Variants in FAM228B observed in about 807,000 individuals in gnomAD.
The protein encoded by FAM228B is family with sequence similarity 228 member B.
A neutral mutation model predicts 42.6 loss-of-function variants in FAM228B; 38 were observed. That is an observed-to-expected ratio of 0.89 (90% CI 0.69 to 1.17). The LOEUF is 1.17. Ranked by LOEUF, FAM228B falls within the 50% of genes most tolerant of loss-of-function variation. FAM228B has a pLI of 0.00. For missense variants in FAM228B, 344 were observed against 367.3 expected (o/e 0.94, Z 0.52); for synonymous variants, 109 against 122.3 (o/e 0.89, Z 0.72).
intron 5 of FAM228B, among the ~76,000 whole-genome samples, chr2:24,145,203 C>T (rs1042438594): frequency 3.9e-5 from 6 of 152,324 alleles, no homozygotes; most frequent in Admixed American, 1.3e-4. Context: ...ACACCGGTGC[C>T]ACTGTATACT....
intron 3 of FAM228B, chr2:24,096,147 A>ACAGGACAGGGTGAGTGAGTGAGAGCCCCC (rs1665493161): frequency 6.6e-6 from 1 of 152,228 alleles, no homozygotes; most frequent in Non-Finnish European, 1.5e-5. Flanking sequence ...TCAAAGACCA[A>ACAGGACAGGGTGAGTGAGTGAGAGCCCCC]AGGTAGATAA....
intron 4 of FAM228B, among the ~76,000 whole-genome samples, 159 bp downstream of exon 4, chr2:24,138,259 T>C (rs1409183397): frequency 6.6e-6 from 1 of 152,202 alleles, no homozygotes; most frequent in Non-Finnish European, 1.5e-5. Flanking sequence ...ACCCAGGACA[T>C]TTGGAAAGGA....
At chr2:24,106,048 A>C (rs1485800959) in intron 3 of FAM228B, among the ~76,000 whole-genome samples, 1 of 152,338 alleles carries the variant, frequency 6.6e-6, no homozygotes, top group East Asian at 1.9e-4. Flanking sequence ...ATATTTTAGG[A>C]TAATGTTCAT....
intron 7 of FAM228B, among the ~76,000 whole-genome samples, chr2:24,151,979 C>T (rs1032539026): frequency 6.6e-6 from 1 of 152,114 alleles, no homozygotes; most frequent in Non-Finnish European, 1.5e-5. Flanking sequence ...AGCAATTCTC[C>T]TGCCTCAGCC....
chr2:24,078,513 T>C (rs1009725678), intron 1 of FAM228B, among the ~76,000 whole-genome samples: 1 of 151,690 alleles, frequency 6.6e-6, no homozygotes, highest in Non-Finnish European at 1.5e-5. Context: ...AGTACATGCT[T>C]TTCTCCTGTC....
At chr2:24,132,677 G>A (rs1666484785) in intron 2 of FAM228B, among the ~76,000 whole-genome samples, 1 of 151,380 alleles carries the variant, frequency 6.6e-6, no homozygotes, top group South Asian at 2.1e-4. Flanking sequence ...CTTAAGTGTG[G>A]ATCACATTTT....
chr2:24,094,869 G>C (rs1665464322), intron 2 of FAM228B, among the ~76,000 whole-genome samples: 1 of 152,150 alleles, frequency 6.6e-6, no homozygotes, highest in Non-Finnish European at 1.5e-5. Flanking sequence ...GAGGTGCGCA[G>C]ATCACTTGAG....
At chr2:24,154,072 G>A (rs946738119) in intron 7 of FAM228B, among the ~76,000 whole-genome samples, 3 of 152,190 alleles carry the variant, frequency 2.0e-5, no homozygotes, top group Non-Finnish European at 2.9e-5. Flanking sequence ...GGCTATGACT[G>A]GGGAATAGGA....
intron 3 of FAM228B, among the ~76,000 whole-genome samples, chr2:24,101,634 G>T (rs748797377): frequency 2.6e-5 from 4 of 151,912 alleles, no homozygotes; most frequent in Non-Finnish European, 5.9e-5. Context: ...GCTAGAATTG[G>T]ACTGAGTTCG....
intron 3 of FAM228B, among the ~76,000 whole-genome samples, chr2:24,107,343 C>T (rs1238683768): frequency 6.6e-6 from 1 of 152,156 alleles, no homozygotes; most frequent in Non-Finnish European, 1.5e-5. Flanking sequence ...GACTTCAACA[C>T]CCCACTGACA....
At chr2:24,102,104 A>G (rs1265704967) in intron 3 of FAM228B, among the ~76,000 whole-genome samples, 1 of 152,206 alleles carries the variant, frequency 6.6e-6, no homozygotes, top group Non-Finnish European at 1.5e-5. Flanking sequence ...TATAATAAAA[A>G]CCATATAATG....
chr2:24,115,574 T>C, intron 3 of FAM228B: 1 of 1,610,782 alleles, frequency 6.2e-7, no homozygotes, highest in Non-Finnish European at 8.5e-7. Context: ...TTCATGGGCC[T>C]CTGATGACTT....
At chr2:24,136,706 T>A (rs1666600395) in intron 3 of FAM228B, among the ~76,000 whole-genome samples, 1 of 152,190 alleles carries the variant, frequency 6.6e-6, no homozygotes, top group Non-Finnish European at 1.5e-5. Flanking sequence ...TCTCCCACTT[T>A]GGGAGTCTTG....
At chr2:24,079,238 C>G (rs1664890170) in intron 1 of FAM228B, 1 of 571,204 alleles carries the variant, frequency 1.8e-6, no homozygotes, top group African/African-American at 1.9e-5. Context: ...GTATCAGCTA[C>G]ACTTCTTTTC....
chr2:24,077,890 C>T lies in FAM228B; in HGVS notation c.-290+921C>T, dbSNP rs1183975235. 2.2e-6 allele frequency: 2 copies of T among 921,010 alleles called. No homozygotes were observed. Among genetic ancestry groups the T allele is most frequent in the African/African-American group, 3.3e-5 (2 of 60,170 alleles). 57.1% of individuals were successfully genotyped at this position (921,010 alleles called of 1,614,324 possible). On this transcript the variant is annotated intron_variant, in intron 1 of 10. Coordinates refer to the FAM228B transcript ENST00000613899. The surrounding 1 kb of genome is among the most constrained non-coding windows in gnomAD (Gnocchi z 5.5). ...AAGCACACAGGGACACTTAACCCCT[C>T]ACTTCCTAGCATGTGTGTGAAATAC...
chr2:24,158,820 G>C (rs1039320106), intron 7 of FAM228B, among the ~76,000 whole-genome samples: 24 of 152,178 alleles, frequency 1.6e-4, no homozygotes, highest in Non-Finnish European at 5.9e-5. Flanking sequence ...GTTATCCTCT[G>C]TATTAGTTTC....
Position 24,146,912 on chromosome 2 carries a change from T to C in FAM228B, c.530-18T>C. On this transcript the variant is annotated intron_variant, in intron 6 of 10. Transcript: ENST00000615575. The stretch of plus-strand genomic sequence containing the variant: ...ATGCATTTAAGGATGTTAATTTAGA[T>C]TTTTATTCTTCCTTCAGGCAAAATA... 1 of 1,548,994 alleles carries C rather than the reference T, an allele frequency of 6.5e-7. No homozygotes were observed.
intron 8 of FAM228B, among the ~76,000 whole-genome samples, chr2:24,162,485 T>TG (rs1452058441): frequency 6.6e-6 from 1 of 152,178 alleles, no homozygotes; most frequent in Non-Finnish European, 1.5e-5. Context: ...GAATGTAAAA[T>TG]GGTGCAGCAA....
chr2:24,142,268 C>T (rs1161572906), intron 5 of FAM228B, among the ~76,000 whole-genome samples: 1 of 152,162 alleles, frequency 6.6e-6, no homozygotes, highest in Admixed American at 6.5e-5. Context: ...CTTATTTCAA[C>T]AGTAGGGCTT....
Sources: allele counts gnomAD v4.1 joint callset (sites outside exome capture counted in the v4.1 genomes callset), GRCh38; gene constraint gnomAD v4.1.1; non-coding constraint Gnocchi (gnomAD v3.1); transcripts MANE v1.5; gene names NCBI Gene and HGNC (gene_info 2026-07-23, HGNC 2026-07-21).